Variants in CFAP97D2 observed in about 807,000 individuals in gnomAD.
CFAP97D2 encodes uncharacterized protein CFAP97D2.
At chr13:114,220,777 A>G (rs1285908761) in intron 4 of CFAP97D2, among the ~76,000 whole-genome samples, 1 of 152,246 alleles carries the variant, frequency 6.6e-6, no homozygotes, top group Non-Finnish European at 1.5e-5. Flanking sequence ...GTGCAGGTTG[A>G]CACAGGACAC....
At chr13:114,209,290 A>G (rs913236137) in intron 3 of CFAP97D2, among the ~76,000 whole-genome samples, 5 of 152,124 alleles carry the variant, frequency 3.3e-5, no homozygotes, top group African/African-American at 1.2e-4. Flanking sequence ...ATTTAAGCAC[A>G]GTAAAAGAAA....
chr13:114,204,519 A>G (rs866541185), intron 3 of CFAP97D2, among the ~76,000 whole-genome samples: 2 of 152,336 alleles, frequency 1.3e-5, no homozygotes, highest in Non-Finnish European at 1.5e-5. Context: ...ATATAAATCA[A>G]TGGGAGTCCA....
At chr13:114,208,295 T>C (rs901434963) in intron 3 of CFAP97D2, among the ~76,000 whole-genome samples, 1 of 152,242 alleles carries the variant, frequency 6.6e-6, no homozygotes, top group African/African-American at 2.4e-5. Flanking sequence ...ATATTTCAAA[T>C]ACGGATTTCT....
intron 1 of CFAP97D2, among the ~76,000 whole-genome samples, chr13:114,190,694 A>G (rs1350280820): frequency 6.6e-6 from 1 of 152,274 alleles, no homozygotes; most frequent in African/African-American, 2.4e-5. Context: ...TCAAAATGTT[A>G]GTTCTTTCCA....
exon 3 of CFAP97D2, chr13:114,200,398 G>A (rs927924329): frequency 3.5e-5 from 14 of 398,724 alleles, no homozygotes; most frequent in African/African-American, 2.1e-4. Flanking sequence ...TCTGTCATGA[G>A]GACCAGGGGA....
intron 4 of CFAP97D2, among the ~76,000 whole-genome samples, chr13:114,217,601 G>A (rs143260973): frequency 0.011 from 1,743 of 152,082 alleles, 97 homozygotes; most frequent in Admixed American, 0.081. Flanking sequence ...AATATCCCTG[G>A]TGAACATCAA....
At chr13:114,205,353 T>C (rs568971652) in intron 3 of CFAP97D2, among the ~76,000 whole-genome samples, 1 of 152,206 alleles carries the variant, frequency 6.6e-6, no homozygotes, top group Non-Finnish European at 1.5e-5. Context: ...CCAAGAGAAA[T>C]GAAAACATGT....
intron 1 of CFAP97D2, among the ~76,000 whole-genome samples, chr13:114,192,336 T>C (rs1594515181): frequency 6.6e-6 from 1 of 152,154 alleles, no homozygotes; most frequent in Non-Finnish European, 1.5e-5. Context: ...ATGCAGAGGG[T>C]ATATGGGAAA....
intron 3 of CFAP97D2, among the ~76,000 whole-genome samples, chr13:114,209,092 GAA>G (rs2080954767): frequency 6.6e-6 from 1 of 152,202 alleles, no homozygotes; most frequent in South Asian, 2.1e-4. Context: ...CTCATGAAAA[GAA>G]AAGAGAAGAA....
At position 114,212,323 on chromosome 13, in the gene CFAP97D2, T is replaced by C. The variant is rs557812008; in HGVS notation, c.480+222T>C. 3.8e-5 allele frequency: 14 copies of C among 365,752 alleles called. 1 individual carries two copies. The highest frequency in any genetic ancestry group is 1.9e-4 in the African/African-American group (9 of 48,074). The allele number at this position is 365,752 out of a possible 1,614,324, so 22.7% of individuals were successfully genotyped here. A position where few individuals can be genotyped will look rare whatever the true frequency, so the allele number is the denominator to read the frequency against. ...ACCCACCACGCATTTGTTCACGAAG[T>C]TGAGGAAATTAAAATAAGCTCAGCT... On this transcript the variant is annotated intron_variant, in intron 4 of 4. Coordinates refer to ENST00000646158, the Ensembl canonical transcript of CFAP97D2.
chr13:114,179,301 T>C, upstream of CFAP97D2: 1 of 398,714 alleles, frequency 2.5e-6, no homozygotes, highest in Non-Finnish European at 4.4e-6. The surrounding 1 kb of genome is among the most constrained non-coding windows in gnomAD (Gnocchi z 4.8). Context: ...CTCCTCTGTC[T>C]GGAATGAGCA....
intron 3 of CFAP97D2, among the ~76,000 whole-genome samples, chr13:114,202,877 C>T (rs937228600): frequency 1.3e-5 from 2 of 152,130 alleles, no homozygotes; most frequent in Admixed American, 1.3e-4. Flanking sequence ...GCCGAGAAGA[C>T]CTGTGTGTCC....
chr13:114,191,601 G>A (rs1395771098), intron 1 of CFAP97D2, among the ~76,000 whole-genome samples: 1 of 152,184 alleles, frequency 6.6e-6, no homozygotes, highest in Non-Finnish European at 1.5e-5. Context: ...ACCAAATACT[G>A]TCAAGGATGT....
chr13:114,197,100 A>C (rs2080891699), intron 2 of CFAP97D2, among the ~76,000 whole-genome samples: 1 of 152,174 alleles, frequency 6.6e-6, no homozygotes, highest in Admixed American at 6.5e-5. Context: ...ATAGACTGTA[A>C]ATATTGCTCA....
chr13:114,204,710 C>T (rs1321636256), intron 3 of CFAP97D2, among the ~76,000 whole-genome samples: 2 of 152,140 alleles, frequency 1.3e-5, no homozygotes, highest in African/African-American at 4.8e-5. Flanking sequence ...AATGTAAGAA[C>T]TAAAACCATA....
In CFAP97D2 at chr13:114,196,347, C is replaced by G. The variant is rs192155945; in HGVS notation, c.91-49C>G. 2.2e-4 allele frequency: 88 copies of G among 399,512 alleles called. No individual in the cohort carries two copies. In the Admixed American group the frequency reaches 3.4e-3, roughly 16 times the overall value. 24.7% of individuals were successfully genotyped at this position (399,512 alleles called of 1,614,324 possible). ...CCCAGAGCAGCACAATCTGAGCTCA[C>G]TCTGTTTCCAATACTGCGCCCAGGT... On this transcript the variant is annotated intron_variant, in intron 1 of 4. Coordinates refer to ENST00000646158, the Ensembl canonical transcript of CFAP97D2.
chr13:114,181,575 C>G (rs577308375), intron 1 of CFAP97D2, among the ~76,000 whole-genome samples: 2 of 152,172 alleles, frequency 1.3e-5, no homozygotes, highest in Non-Finnish European at 2.9e-5. Context: ...CAGGACCCCT[C>G]TAACACTCCA....
intron 3 of CFAP97D2, among the ~76,000 whole-genome samples, chr13:114,208,971 AG>A (rs2080954060): frequency 6.6e-6 from 1 of 152,230 alleles, no homozygotes; most frequent in African/African-American, 2.4e-5. Flanking sequence ...AGAATTAAAT[AG>A]GACCCCTTTG....
At chr13:114,216,586 C>T (rs894285241) in intron 4 of CFAP97D2, among the ~76,000 whole-genome samples, 1 of 152,130 alleles carries the variant, frequency 6.6e-6, no homozygotes, top group Non-Finnish European at 1.5e-5. Context: ...TGATGGTTTC[C>T]AGCTTCATCC....
Sources: allele counts gnomAD v4.1 joint callset (sites outside exome capture counted in the v4.1 genomes callset), GRCh38; gene constraint gnomAD v4.1.1; non-coding constraint Gnocchi (gnomAD v3.1); transcripts MANE v1.5; gene names NCBI Gene and HGNC (gene_info 2026-07-23, HGNC 2026-07-21).